The following KCNIP4 variants were observed in gnomAD, a reference collection of about 807,000 sequenced individuals.
KCNIP4 encodes the protein potassium voltage-gated channel interacting protein 4.
A neutral mutation model predicts 34.0 loss-of-function variants in KCNIP4; 12 were observed. The ratio of observed to expected loss-of-function variants is 0.35; its 90% CI spans 0.23 to 0.57. The LOEUF is 0.57. Ranked by LOEUF, KCNIP4 falls within the 20% of genes least tolerant of loss-of-function variation. The probability of loss-of-function intolerance (pLI) is 0.83; values close to 1 mark genes in which losing one functional copy is unlikely to be tolerated. For missense variants in KCNIP4, 238 were observed against 311.7 expected (o/e 0.76, Z 1.78); for synonymous variants, 124 against 102.2 (o/e 1.21, Z -1.29).
intron 1 of KCNIP4, among the ~76,000 whole-genome samples, chr4:21,513,528 T>C (rs77896045): frequency 1.8e-3 from 275 of 152,316 alleles, no homozygotes; most frequent in African/African-American, 6.2e-3. Context: ...GTTTGAATCC[T>C]AGATCTGCCT....
At chr4:20,897,937 T>C (rs984470535) in intron 1 of KCNIP4, among the ~76,000 whole-genome samples, 1 of 152,178 alleles carries the variant, frequency 6.6e-6, no homozygotes, top group Non-Finnish European at 1.5e-5. Context: ...AGATACCTGG[T>C]CAAATATTCT....
chr4:20,970,335 T>C (rs1038072864), intron 1 of KCNIP4, among the ~76,000 whole-genome samples: 3 of 152,196 alleles, frequency 2.0e-5, no homozygotes, highest in Non-Finnish European at 2.9e-5. Context: ...TTTATTACCT[T>C]TGTAGTAGAA....
intron 1 of KCNIP4, among the ~76,000 whole-genome samples, chr4:21,655,511 G>T (rs1181645922): frequency 2.6e-5 from 4 of 152,098 alleles, no homozygotes; most frequent in African/African-American, 9.7e-5. Flanking sequence ...CTGTTTTAGA[G>T]TATATTTGTG....
intron 1 of KCNIP4, among the ~76,000 whole-genome samples, chr4:21,906,296 T>A (rs2108975071): frequency 6.6e-6 from 1 of 152,262 alleles, no homozygotes; most frequent in African/African-American, 2.4e-5. Flanking sequence ...CTGGTGTATC[T>A]GGGTAAGCCC....
At position 21,139,438 on chromosome 4, in the gene KCNIP4, T is replaced by C. The variant is rs1054302112; in HGVS notation, c.62-256729A>G. Among the ~76,000 whole-genome samples the C allele has an allele frequency of 2.0e-5, 3 of 152,226 alleles. 1 individual carries two copies. In the South Asian group the frequency reaches 6.2e-4, roughly 31 times the overall value. Reference sequence around the variant, plus strand: ...AATGGTCATTAGAGAAACTGTGAATTTGGATACATGGCCCAGATGCCCCTT... The same window carrying C: ...AATGGTCATTAGAGAAACTGTGAATCTGGATACATGGCCCAGATGCCCCTT... On this transcript the variant is annotated intron_variant, in intron 1 of 8. Transcript: ENST00000382152.
chr4:20,903,771 C>T (rs1727421145), intron 1 of KCNIP4, among the ~76,000 whole-genome samples: 1 of 152,122 alleles, frequency 6.6e-6, no homozygotes, highest in Admixed American at 6.5e-5. Flanking sequence ...TCATATTTGG[C>T]TTAGAATAAA....
At chr4:21,593,891 G>A (rs765565307) in intron 1 of KCNIP4, among the ~76,000 whole-genome samples, 7 of 152,108 alleles carry the variant, frequency 4.6e-5, no homozygotes, top group South Asian at 2.1e-4. Context: ...TACTCAGGCT[G>A]TTCTCATCTG....
intron 1 of KCNIP4, among the ~76,000 whole-genome samples, chr4:21,828,017 TAA>T (rs35665027): frequency 1.9e-4 from 27 of 144,416 alleles, no homozygotes; most frequent in Admixed American, 4.8e-4. Flanking sequence ...GAGAGTCATG[TAA>T]AAAAAAAAAA....
At chr4:21,707,515 T>C (rs186231618) in intron 1 of KCNIP4, among the ~76,000 whole-genome samples, 4 of 150,158 alleles carry the variant, frequency 2.7e-5, no homozygotes, top group Admixed American at 2.0e-4. Context: ...TTTGGACAAA[T>C]AGTCCATTGG....
chr4:21,142,498 C>T (rs1560759569), intron 1 of KCNIP4, among the ~76,000 whole-genome samples: 1 of 152,114 alleles, frequency 6.6e-6, no homozygotes, highest in Admixed American at 6.6e-5. Context: ...GTTTTGGGGG[C>T]TCTGTAGTGA....
At chr4:20,740,137 T>G in intron 5 of KCNIP4, among the ~76,000 whole-genome samples, 1 of 151,948 alleles carries the variant, frequency 6.6e-6, no homozygotes, top group Non-Finnish European at 1.5e-5. Context: ...ACGGGGAGAA[T>G]TGAACCAAGT....
intron 1 of KCNIP4, among the ~76,000 whole-genome samples, chr4:21,348,959 G>T (rs955088483): frequency 1.3e-5 from 2 of 152,138 alleles, no homozygotes; most frequent in African/African-American, 4.8e-5. Flanking sequence ...AAATGAAAAA[G>T]ATGCTTCTGC....
intron 1 of KCNIP4, among the ~76,000 whole-genome samples, chr4:21,776,995 A>G (rs1719224772): frequency 6.6e-6 from 1 of 151,330 alleles, no homozygotes; most frequent in African/African-American, 2.4e-5. Context: ...CTGGTCTTGA[A>G]CTCCTGACTT....
At chr4:21,576,006 T>G (rs1354414601) in intron 1 of KCNIP4, among the ~76,000 whole-genome samples, 1 of 152,154 alleles carries the variant, frequency 6.6e-6, no homozygotes, top group Non-Finnish European at 1.5e-5. Flanking sequence ...CGTATACTTC[T>G]TAGGGCTCAC....
chr4:20,858,285 G>A (rs1307550860), intron 2 of KCNIP4, among the ~76,000 whole-genome samples: 1 of 149,012 alleles, frequency 6.7e-6, no homozygotes, highest in Non-Finnish European at 1.5e-5. Context: ...GAAAGGCCAT[G>A]TGAAGATGGA....
chr4:21,127,392 A>G (rs546780265), intron 1 of KCNIP4, among the ~76,000 whole-genome samples: 3 of 152,340 alleles, frequency 2.0e-5, no homozygotes, highest in Non-Finnish European at 4.4e-5. Flanking sequence ...CCAAACACAG[A>G]AACGAAATCT....
chr4:21,238,799 C>G (rs1316907727), intron 1 of KCNIP4, among the ~76,000 whole-genome samples: 2 of 152,154 alleles, frequency 1.3e-5, no homozygotes, highest in African/African-American at 4.8e-5. Flanking sequence ...AATGGCTATA[C>G]TGCCCAAGGT....
At chr4:21,765,645 T>A (rs1718357200) in intron 1 of KCNIP4, among the ~76,000 whole-genome samples, 1 of 151,108 alleles carries the variant, frequency 6.6e-6, no homozygotes, top group African/African-American at 2.4e-5. Context: ...CTTGTGTTAA[T>A]ACATATAAAT....
intron 1 of KCNIP4, among the ~76,000 whole-genome samples, chr4:21,417,967 C>T (rs1184316291): frequency 1.3e-5 from 2 of 152,076 alleles, no homozygotes; most frequent in Non-Finnish European, 2.9e-5. Flanking sequence ...GAAGCAAGAT[C>T]CAATGCTCTA....
Sources: allele counts gnomAD v4.1 joint callset (sites outside exome capture counted in the v4.1 genomes callset), GRCh38; gene constraint gnomAD v4.1.1; transcripts MANE v1.5; gene names NCBI Gene and HGNC (gene_info 2026-07-23, HGNC 2026-07-21).